The following RPS19 variants were observed in gnomAD, a reference collection of about 807,000 sequenced individuals.
The protein encoded by RPS19 is ribosomal protein S19, also known as small ribosomal subunit protein eS19.
A neutral mutation model predicts 20.3 loss-of-function variants in RPS19; 1 was observed. The ratio of observed to expected loss-of-function variants is 0.05; its 90% CI spans 0.02 to 0.23. RPS19 has a LOEUF of 0.23. Ranked by LOEUF, RPS19 falls within the 10% of genes least tolerant of loss-of-function variation. RPS19 has a pLI of 1.00. For synonymous variants in RPS19, 87 were observed against 74.8 expected, an observed-to-expected ratio of 1.16 and a Z score of -0.84; for missense variants, 111 against 192.7, an observed-to-expected ratio of 0.58 and a Z score of 2.51.
At chr19:41,867,762 A>C (rs1238387171) in intron 3 of RPS19, among the ~76,000 whole-genome samples, 2 of 152,212 alleles carry the variant, frequency 1.3e-5, no homozygotes, top group African/African-American at 4.8e-5. Flanking sequence ...CTATGATCAC[A>C]CCACAGCACC....
At chr19:41,861,007 T>C (rs1568788862) in intron 2 of RPS19, 105 bp from the exon 3 acceptor site, 6 of 1,125,826 alleles carry the variant, frequency 5.3e-6, no homozygotes, top group Admixed American at 3.5e-5. Flanking sequence ...CAGCCTCTCT[T>C]TGTACTCTGG....
rs1324781034 is a variant in RPS19, at chr19:41,872,550, A to G, written c.*1173A>G. ...GCCGTGGAGAGCCTTGGCTCTGAGTAGCTCTGCTGCTGGACAGTTCAGTTG... is the reference window on the plus strand; with the variant it reads ...GCCGTGGAGAGCCTTGGCTCTGAGTGGCTCTGCTGCTGGACAGTTCAGTTG... On this transcript the variant is annotated 3_prime_UTR_variant, in exon 6 of 6. Coordinates refer to ENST00000598742, the MANE Select transcript of RPS19 (RefSeq NM_001022.4). 1 of 152,322 alleles carries G rather than the reference A, an allele frequency of 6.6e-6. No individual in the cohort carries two copies. Among genetic ancestry groups the G allele is most frequent in the Non-Finnish European group, 1.5e-5 (1 of 68,104 alleles). The allele number at this position is 152,322 out of a possible 1,614,324, so 9.4% of individuals were successfully genotyped here.
At chr19:41,868,805 G>A (rs1555841221) in intron 3 of RPS19, among the ~76,000 whole-genome samples, 1 of 151,966 alleles carries the variant, frequency 6.6e-6, no homozygotes. Flanking sequence ...AAAGAAGTTG[G>A]CCCTGGAGAT....
chr19:41,867,595 A>G (rs1555840976), intron 3 of RPS19, among the ~76,000 whole-genome samples: 2 of 152,242 alleles, frequency 1.3e-5, no homozygotes, highest in East Asian at 1.9e-4. Context: ...TACAGGCGTG[A>G]GCCACTGCGC....
chr19:41,861,998 C>T (rs994100269), intron 3 of RPS19, among the ~76,000 whole-genome samples: 33 of 151,770 alleles, frequency 2.2e-4, no homozygotes, highest in African/African-American at 7.3e-4. Flanking sequence ...GTGGCAGTGC[C>T]GTGTTATGTC....
rs1555842221 is a variant in RPS19 at position 41,872,460 on chromosome 19, C to T, written c.*1083C>T. The T allele has an allele frequency of 6.6e-6, 1 of 152,266 alleles. No individual in the cohort carries two copies. 9.4% of individuals were successfully genotyped at this position (152,266 alleles called of 1,614,324 possible). On this transcript the variant is annotated 3_prime_UTR_variant, in exon 6 of 6. Transcript: ENST00000598742. ...CCTAATCCCACGTAACCCTGTGCAC[C>T]TTATCCTCTGAGCCTTCGTCTCCTC...
chr19:41,862,159 A>G (rs3786539), intron 3 of RPS19, among the ~76,000 whole-genome samples: 38,961 of 151,832 alleles, frequency 0.26, 6,052 homozygotes, highest in Middle Eastern at 0.46. Flanking sequence ...AATCGGCAAA[A>G]CTCCTCCATG....
intron 5 of RPS19, among the ~76,000 whole-genome samples, chr19:41,871,131 G>A (rs1460984093): frequency 2.0e-5 from 3 of 152,018 alleles, no homozygotes; most frequent in African/African-American, 4.8e-5. Context: ...CCAGAGTGCT[G>A]GGATTAAAGG....
intron 1 of RPS19, 44 bp from the exon 2 acceptor site, chr19:41,860,731 G>A (rs375688647): frequency 1.6e-4 from 232 of 1,438,222 alleles, no homozygotes; most frequent in Non-Finnish European, 2.1e-4. Context: ...CTTGGCAGTC[G>A]TCTCTGCCAG....
At chr19:41,860,641 T>C in intron 1 of RPS19, 134 bp from the exon 2 acceptor site, 1 of 795,318 alleles carries the variant, frequency 1.3e-6, no homozygotes, top group Admixed American at 1.7e-5. Flanking sequence ...AGCCCGGCGT[T>C]GAAGGGGCCG....
At position 41,871,708 on chromosome 19, in the gene RPS19, C is replaced by A; in HGVS notation, c.*331C>A. The A allele has an allele frequency of 2.7e-6, 1 of 363,710 alleles. No individual in the cohort carries two copies. Among genetic ancestry groups the A allele is most frequent in the Non-Finnish European group, 5.2e-6 (1 of 192,912 alleles). 22.5% of individuals were successfully genotyped at this position (363,710 alleles called of 1,614,324 possible). On this transcript the variant is annotated 3_prime_UTR_variant, in exon 6 of 6. Transcript: ENST00000598742. ...GGCAGCCAGTCGGGCCTTCCCAGGTCAAACAGTTCCCATCTGGGTTTGGAG... is the reference window on the plus strand; with the variant it reads ...GGCAGCCAGTCGGGCCTTCCCAGGTAAAACAGTTCCCATCTGGGTTTGGAG...
intron 2 of RPS19, 93 bp from the exon 3 acceptor site, chr19:41,861,019 C>G: frequency 8.8e-7 from 1 of 1,133,952 alleles, no homozygotes; most frequent in Non-Finnish European, 1.3e-6. Context: ...GTACTCTGGG[C>G]ACAGCATAGT....
chr19:41,861,005 C>A, intron 2 of RPS19, 107 bp from the exon 3 acceptor site: 3 of 1,123,444 alleles, frequency 2.7e-6, no homozygotes, highest in South Asian at 2.5e-5. Context: ...TCCAGCCTCT[C>A]TTTGTACTCT....
At chr19:41,864,309 T>C (rs1156617123) in intron 3 of RPS19, 1 of 152,480 alleles carries the variant, frequency 6.6e-6, no homozygotes, top group African/African-American at 2.4e-5. Flanking sequence ...TGCATGGGGC[T>C]GGGCACCCAC....
intron 3 of RPS19, among the ~76,000 whole-genome samples, chr19:41,862,173 C>T (rs1199397137): frequency 6.6e-6 from 1 of 152,158 alleles, no homozygotes. Context: ...CTCCATGACC[C>T]GGAAAAGAGT....
At position 41,871,440 on chromosome 19, in the gene RPS19, AG is replaced by A; in HGVS notation, c.*64del. 2 of 1,460,724 alleles carry A rather than the reference AG, an allele frequency of 1.4e-6. No homozygotes were observed. Among genetic ancestry groups the A allele is most frequent in the Non-Finnish European group, 1.9e-6 (2 of 1,042,386 alleles). 90.5% of individuals were successfully genotyped at this position (1,460,724 alleles called of 1,614,324 possible). On this transcript the variant is annotated 3_prime_UTR_variant, in exon 6 of 6. Coordinates refer to ENST00000598742, the MANE Select transcript of RPS19 (RefSeq NM_001022.4). The stretch of plus-strand genomic sequence containing the variant: ...AATCCTGGTCTGGGTCTCTTTTTTG[AG>A]TCTCTTGCTCTGTCGCCCAGGCTGG...
chr19:41,868,652 C>G (rs2074113153), intron 3 of RPS19, among the ~76,000 whole-genome samples: 1 of 152,134 alleles, frequency 6.6e-6, no homozygotes, highest in Non-Finnish European at 1.5e-5. Flanking sequence ...CCTGAGCTCT[C>G]CAGACTGAGG....
At chr19:41,864,154 G>C (rs1299843765) in intron 3 of RPS19, 1 of 152,152 alleles carries the variant, frequency 6.6e-6, no homozygotes, top group Non-Finnish European at 1.5e-5. Context: ...CAAGCCTCTT[G>C]CTGTCTTAAT....
chr19:41,865,597 G>C (rs113356974), intron 3 of RPS19, among the ~76,000 whole-genome samples: 7 of 152,098 alleles, frequency 4.6e-5, no homozygotes, highest in Non-Finnish European at 1.0e-4. Context: ...CCCATTTCTG[G>C]TGTACAGCCG....
Sources: allele counts gnomAD v4.1 joint callset (sites outside exome capture counted in the v4.1 genomes callset), GRCh38; gene constraint gnomAD v4.1.1; transcripts MANE v1.5; gene names NCBI Gene and HGNC (gene_info 2026-07-23, HGNC 2026-07-21).